MAD1L1: variants seen among roughly 807,000 people sequenced by gnomAD.
MAD1L1 encodes mitotic spindle assembly checkpoint protein MAD1.
MAD1L1 carries 95 observed loss-of-function variants against 96.9 expected under a neutral mutation model. The observed-to-expected ratio is 0.98, with a 90% confidence interval of 0.83 to 1.16. MAD1L1 has a LOEUF of 1.16. Among genes scored for constraint, MAD1L1 ranks in the 50% most tolerant of loss-of-function variants. MAD1L1 has a pLI of 0.00. For missense variants in MAD1L1, 1,007 were observed against 954.4 expected, an observed-to-expected ratio of 1.06 and a Z score of -0.73; for synonymous variants, 473 against 396.6, an observed-to-expected ratio of 1.19 and a Z score of -2.29.
chr7:2,149,868 G>A (rs1000869873), intron 10 of MAD1L1, among the ~76,000 whole-genome samples: 6 of 152,232 alleles, frequency 3.9e-5, no homozygotes, highest in African/African-American at 1.4e-4. Flanking sequence ...GGACTCCGGA[G>A]GACACAGCAA....
intron 17 of MAD1L1, among the ~76,000 whole-genome samples, chr7:1,913,618 G>T (rs112443143): frequency 6.6e-6 from 1 of 152,206 alleles, no homozygotes; most frequent in South Asian, 2.1e-4. Flanking sequence ...GTGGCGGGGA[G>T]GGGGAGCCCT....
At chr7:1,996,438 G>C (rs902049894) in intron 14 of MAD1L1, among the ~76,000 whole-genome samples, 1 of 152,340 alleles carries the variant, frequency 6.6e-6, no homozygotes, top group Non-Finnish European at 1.5e-5. Flanking sequence ...GGCTCTGAGA[G>C]CCACACGGAC....
At chr7:1,839,697 A>T (rs1266917862) in intron 18 of MAD1L1, among the ~76,000 whole-genome samples, 1 of 152,082 alleles carries the variant, frequency 6.6e-6, no homozygotes, top group Non-Finnish European at 1.5e-5. Flanking sequence ...GAAGATACAG[A>T]AGGGCTCTAG....
At chr7:2,185,802 T>C (rs1791432930) in intron 10 of MAD1L1, among the ~76,000 whole-genome samples, 1 of 152,216 alleles carries the variant, frequency 6.6e-6, no homozygotes, top group Non-Finnish European at 1.5e-5. Context: ...GAATGCGTCC[T>C]CTACCTCCAT....
At chr7:2,091,688 A>C (rs889462809) in intron 11 of MAD1L1, among the ~76,000 whole-genome samples, 8 of 152,120 alleles carry the variant, frequency 5.3e-5, no homozygotes, top group African/African-American at 1.9e-4. Context: ...AGGCAGAAGA[A>C]TGGCGTGAAC....
chr7:1,886,263 A>G (rs1180990961), intron 18 of MAD1L1, among the ~76,000 whole-genome samples: 1 of 152,182 alleles, frequency 6.6e-6, no homozygotes, highest in Non-Finnish European at 1.5e-5. Flanking sequence ...CTGAGTCCTG[A>G]TCTGTGCAAG....
intron 12 of MAD1L1, among the ~76,000 whole-genome samples, chr7:2,025,551 G>A (rs1360302632): frequency 6.6e-6 from 1 of 152,206 alleles, no homozygotes; most frequent in Non-Finnish European, 1.5e-5. Context: ...GAAACAAGGG[G>A]TATTTTGCAG....
chr7:1,888,924 T>C (rs1786361762), intron 18 of MAD1L1, among the ~76,000 whole-genome samples: 1 of 152,238 alleles, frequency 6.6e-6, no homozygotes, highest in South Asian at 2.1e-4. Context: ...GCAATCACCC[T>C]GCAGTTCTCA....
intron 1 of MAD1L1, among the ~76,000 whole-genome samples, chr7:2,231,126 C>G (rs781130796): frequency 1.1e-4 from 17 of 151,988 alleles, no homozygotes; most frequent in Non-Finnish European, 2.2e-4. Context: ...TGGCAAAACC[C>G]CACCTCTAAT....
At chr7:2,062,257 C>CAA (rs56706072) in intron 12 of MAD1L1, among the ~76,000 whole-genome samples, 15 of 102,776 alleles carry the variant, frequency 1.5e-4, no homozygotes, top group African/African-American at 2.8e-4. Context: ...ACAGCAACGA[C>CAA]AAAAAAAAAA....
chr7:2,146,268 C>T lies in MAD1L1; in HGVS notation c.1073+2884G>A, dbSNP rs565062991. ...AGAGGGAGCACCGGGCACTGGGCTA[C>T]GAGGAACAGGGTACCACCTCGATGA... On this transcript the variant is annotated intron_variant, in intron 11 of 18. Transcript: ENST00000265854. The surrounding 1 kb of genome is among the most constrained non-coding windows in gnomAD (Gnocchi z 6.2). Among the ~76,000 whole-genome samples, 149 of 150,234 alleles carry T rather than the reference C, an allele frequency of 9.9e-4. No homozygotes were observed. The highest frequency in any genetic ancestry group is 1.3e-3 in the Non-Finnish European group (89 of 67,988).
At chr7:2,089,026 A>G (rs1277598786) in intron 11 of MAD1L1, 3 of 152,284 alleles carry the variant, frequency 2.0e-5, no homozygotes, top group Non-Finnish European at 2.9e-5. Context: ...CCTGAAGGTC[A>G]CCAAGTTCAG....
rs1366729269 is a variant in MAD1L1, at chr7:2,232,816, T to TCCCGGGACCCCCGGGAC, written c.-190+39_-190+55dup. 253 of 151,776 alleles carry TCCCGGGACCCCCGGGAC rather than the reference T, an allele frequency of 1.7e-3. 1 individual carries two copies. The highest frequency in any genetic ancestry group is 5.6e-3 in the African/African-American group (232 of 41,312). 9.4% of individuals were successfully genotyped at this position (151,776 alleles called of 1,614,324 possible). On this transcript the variant is annotated intron_variant, in intron 1 of 18. Coordinates refer to ENST00000265854, the MANE Select transcript of MAD1L1 (RefSeq NM_001013836.2). ...GGGCCCTCGGCCCCTCCCTTGCCAT[T>TCCCGGGACCCCCGGGAC]CCCGGGACCCCCGGGACCCCGGGAC...
At chr7:1,925,348 G>C (rs1166230397) in intron 17 of MAD1L1, among the ~76,000 whole-genome samples, 1 of 152,190 alleles carries the variant, frequency 6.6e-6, no homozygotes, top group Non-Finnish European at 1.5e-5. Context: ...AATCTGTATG[G>C]ATCACAGCAG....
chr7:1,993,065 G>A (rs147911707), intron 14 of MAD1L1, among the ~76,000 whole-genome samples: 8 of 152,290 alleles, frequency 5.3e-5, no homozygotes, highest in African/African-American at 1.7e-4. Flanking sequence ...TTCCTTTCTC[G>A]TGGTTATTAT....
At chr7:1,999,315 AT>A (rs1781689654) in intron 14 of MAD1L1, among the ~76,000 whole-genome samples, 1 of 152,142 alleles carries the variant, frequency 6.6e-6, no homozygotes, top group African/African-American at 2.4e-5. Flanking sequence ...AATTTCTCCA[AT>A]TTTAAAACCC....
Position 1,964,440 on chromosome 7 carries a change from C to T in MAD1L1, c.1506-6721G>A, listed in dbSNP as rs1056042695. ...CCCACATGCGGGCTCATTTGTGCAC[C>T]GAAGGGGTGCGCTTTCTTCTGCTGC... On this transcript the variant is annotated intron_variant, in intron 15 of 18. Coordinates refer to ENST00000265854, the MANE Select transcript of MAD1L1 (RefSeq NM_001013836.2). Among the ~76,000 whole-genome samples, 9 of 152,318 alleles carry T rather than the reference C, an allele frequency of 5.9e-5. No individual in the cohort carries two copies. In the South Asian group the frequency reaches 1.2e-3, roughly 21 times the overall value.
intron 14 of MAD1L1, among the ~76,000 whole-genome samples, chr7:1,990,077 G>A (rs7798678): frequency 0.05 from 7,591 of 152,332 alleles, 559 homozygotes; most frequent in African/African-American, 0.16. Flanking sequence ...CGAGGCTGCC[G>A]CTGAGTGCCA....
At chr7:1,915,383 G>A (rs908313708) in intron 17 of MAD1L1, among the ~76,000 whole-genome samples, 1 of 152,318 alleles carries the variant, frequency 6.6e-6, no homozygotes, top group East Asian at 1.9e-4. Flanking sequence ...AGGAGACCTG[G>A]GGCAGACTTA....
Sources: gnomAD v4.1 joint callset for allele counts (sites outside exome capture counted in the v4.1 genomes callset) on GRCh38, gnomAD v4.1.1 for gene constraint, Gnocchi (gnomAD v3.1) non-coding constraint, MANE v1.5 for transcripts, NCBI Gene and HGNC (gene_info 2026-07-23, HGNC 2026-07-21) for gene names.